SLC35F4: variants seen among roughly 807,000 people sequenced by gnomAD.
The protein encoded by SLC35F4 is chromosome 14 open reading frame 36.
In SLC35F4, 24 loss-of-function variants were observed where a neutral mutation model predicts 44.2. That is an observed-to-expected ratio of 0.54 (90% CI 0.39 to 0.76). The LOEUF is 0.76. Among genes scored for constraint, SLC35F4 ranks in the 30% least tolerant of loss-of-function variants. The pLI, the probability that SLC35F4 is intolerant of heterozygous loss-of-function variation, is 0.00. For synonymous variants in SLC35F4, 238 were observed against 223.6 expected (o/e 1.06, Z -0.57); for missense variants, 562 against 586.1 (o/e 0.96, Z 0.42).
intron 1 of SLC35F4, among the ~76,000 whole-genome samples, chr14:57,782,474 G>T (rs1298962399): frequency 6.6e-6 from 1 of 152,066 alleles, no homozygotes; most frequent in African/African-American, 2.4e-5. Flanking sequence ...ACACAAATAT[G>T]CTATGCAAAG....
intron 1 of SLC35F4, among the ~76,000 whole-genome samples, chr14:57,667,615 G>C (rs1229002903): frequency 6.6e-6 from 1 of 151,358 alleles, no homozygotes; most frequent in Non-Finnish European, 1.5e-5. Context: ...ATAGTTTGCT[G>C]AGAATGATGG....
chr14:57,583,130 T>TAAAC (rs2069417857), intron 3 of SLC35F4, among the ~76,000 whole-genome samples: 1 of 152,240 alleles, frequency 6.6e-6, no homozygotes, highest in Non-Finnish European at 1.5e-5. Context: ...TTCTGTAATG[T>TAAAC]AAACAGAAAT....
rs542605117 is a variant in SLC35F4 at position 57,631,946 on chromosome 14, T to A, written c.104-37822A>T. 7.2e-5 allele frequency among the ~76,000 whole-genome samples: 11 copies of A among 152,266 alleles called. No homozygotes were observed. The East Asian group carries it at 1.4e-3, about 19-fold the overall frequency. On this transcript the variant is annotated intron_variant, in intron 1 of 7. Transcript: ENST00000556826. ...AACGATTCCTTTTAGAGGATTACTT[T>A]TTTCAATTTTGGTTTTAGTAATCTA...
intron 1 of SLC35F4, among the ~76,000 whole-genome samples, chr14:57,720,760 C>T (rs866634617): frequency 4.6e-5 from 7 of 151,772 alleles, no homozygotes; most frequent in African/African-American, 1.5e-4. Context: ...TCTAATCAGC[C>T]GCCAGCATGG....
intron 1 of SLC35F4, among the ~76,000 whole-genome samples, chr14:57,849,839 TTTCTAACTGACTATCACA>T (rs1247629114): frequency 6.6e-6 from 1 of 152,202 alleles, no homozygotes; most frequent in Admixed American, 6.5e-5. Context: ...CTTTCTTTAC[TTTCTAACTGACTATCACA>T]TTCTAACTGA....
At chr14:57,933,039 C>CTT (rs565156783) in intron 1 of SLC35F4, among the ~76,000 whole-genome samples, 30 of 137,504 alleles carry the variant, frequency 2.2e-4, no homozygotes, top group African/African-American at 5.8e-4. Flanking sequence ...CTCCTATTTA[C>CTT]TTTTTTTTTT....
intron 5 of SLC35F4, among the ~76,000 whole-genome samples, chr14:57,571,396 T>C (rs1456342702): frequency 6.6e-6 from 1 of 152,298 alleles, no homozygotes; most frequent in East Asian, 1.9e-4. Context: ...TCCTGTGGCA[T>C]GGGGTTAATA....
At chr14:57,587,151 G>A (rs1167136416) in intron 3 of SLC35F4, among the ~76,000 whole-genome samples, 1 of 152,212 alleles carries the variant, frequency 6.6e-6, no homozygotes, top group Non-Finnish European at 1.5e-5. Flanking sequence ...TGGAGAAATA[G>A]GAATGCTTCT....
In SLC35F4 at chr14:57,596,671, T is replaced by C. The variant is rs112312113; in HGVS notation, c.104-2547A>G. On this transcript the variant is annotated intron_variant, in intron 1 of 7. Transcript: ENST00000556826. ...AAGTTGGGATGGGATTGAGATCAAA[T>C]ATTGTCCATAGTTACCTAAAAAGTT... 4.5e-3 allele frequency: 3,325 copies of C among 734,998 alleles called. 71 individuals are homozygous for C. The African/African-American group carries it at 0.053, about 12-fold the overall frequency. 45.5% of individuals were successfully genotyped at this position (734,998 alleles called of 1,614,324 possible).
intron 1 of SLC35F4, among the ~76,000 whole-genome samples, chr14:57,736,617 A>G (rs900016218): frequency 6.6e-6 from 1 of 152,216 alleles, no homozygotes; most frequent in Non-Finnish European, 1.5e-5. Context: ...TGGATGGGTC[A>G]TGCCTGGACT....
intron 1 of SLC35F4, among the ~76,000 whole-genome samples, chr14:57,901,892 A>C (rs74440418): frequency 6.6e-6 from 1 of 152,056 alleles, no homozygotes; most frequent in Admixed American, 6.6e-5. Flanking sequence ...ATAAGATGCA[A>C]AGCCAGAATT....
chr14:57,653,414 G>A (rs1179909465), intron 1 of SLC35F4, among the ~76,000 whole-genome samples: 2 of 152,190 alleles, frequency 1.3e-5, no homozygotes, highest in African/African-American at 4.8e-5. Flanking sequence ...TGCCTGGGGA[G>A]TAATGGAGTC....
At chr14:57,582,857 C>T (rs567625906) in intron 3 of SLC35F4, among the ~76,000 whole-genome samples, 2 of 152,206 alleles carry the variant, frequency 1.3e-5, no homozygotes, top group African/African-American at 4.8e-5. Flanking sequence ...AAAAAAGGAC[C>T]ACGTGGAGAG....
chr14:57,769,479 C>T (rs969038676), intron 1 of SLC35F4, among the ~76,000 whole-genome samples: 34 of 152,224 alleles, frequency 2.2e-4, no homozygotes, highest in African/African-American at 8.2e-4. Flanking sequence ...GCCAAAACCT[C>T]ATAAAATAAT....
chr14:57,906,010 CAGG>C (rs1178550622), intron 1 of SLC35F4, among the ~76,000 whole-genome samples: 1 of 152,080 alleles, frequency 6.6e-6, no homozygotes, highest in Non-Finnish European at 1.5e-5. Context: ...AGCATGAGGG[CAGG>C]AGATCAGAAA....
At chr14:57,909,350 T>C (rs1351501499) in intron 1 of SLC35F4, among the ~76,000 whole-genome samples, 2 of 152,212 alleles carry the variant, frequency 1.3e-5, no homozygotes, top group South Asian at 2.1e-4. Context: ...TGGGATTTGA[T>C]AAATATATAG....
At chr14:57,788,086 A>T (rs1394789587) in intron 1 of SLC35F4, among the ~76,000 whole-genome samples, 1 of 152,202 alleles carries the variant, frequency 6.6e-6, no homozygotes, top group Non-Finnish European at 1.5e-5. Context: ...AAGGCTTTTC[A>T]TGCAAATGGA....
chr14:57,763,392 G>C (rs143802971), intron 1 of SLC35F4, among the ~76,000 whole-genome samples: 75 of 152,136 alleles, frequency 4.9e-4, no homozygotes, highest in African/African-American at 1.8e-3. Flanking sequence ...ACAGATATGA[G>C]GTAAAAAGAA....
At chr14:57,928,419 A>T (rs11845773) in intron 1 of SLC35F4, among the ~76,000 whole-genome samples, 2,832 of 152,272 alleles carry the variant, frequency 0.019, 81 homozygotes, top group African/African-American at 0.064. Context: ...CTGACTGCAC[A>T]GTCAGTGGGC....
Sources: allele counts gnomAD v4.1 joint callset (sites outside exome capture counted in the v4.1 genomes callset), GRCh38; gene constraint gnomAD v4.1.1; transcripts MANE v1.5; gene names NCBI Gene and HGNC (gene_info 2026-07-23, HGNC 2026-07-21).